Variants in CRB2 observed in about 807,000 individuals in gnomAD.
The protein encoded by CRB2 is protein crumbs homolog 2.
In CRB2, 85 loss-of-function variants were observed where a neutral mutation model predicts 110.9. The observed-to-expected ratio is 0.77, with a 90% CI of 0.64 to 0.92. The LOEUF (loss-of-function observed/expected upper bound fraction) is 0.92, where lower values mean the gene tolerates loss of function less well. Among genes scored for constraint, CRB2 ranks in the 40% least tolerant of loss-of-function variants. The pLI, the probability that CRB2 is intolerant of heterozygous loss-of-function variation, is 0.00. For synonymous variants in CRB2, 907 were observed against 831.0 expected (o/e 1.09, Z -1.57); for missense variants, 1,843 against 1,851.3 (o/e 1.00, Z 0.08).
At position 123,377,144 on chromosome 9, in the gene CRB2, CG is replaced by C; in HGVS notation, c.*85del. The C allele has an allele frequency of 8.0e-7, 1 of 1,255,534 alleles. No homozygotes were observed. The highest frequency in any genetic ancestry group is 1.6e-5 in the South Asian group (1 of 63,134). 77.8% of individuals were successfully genotyped at this position (1,255,534 alleles called of 1,614,324 possible). On this transcript the variant is annotated 3_prime_UTR_variant, in exon 13 of 13. Transcript: ENST00000373631. Reference sequence around the variant, plus strand: ...ACCCAAGGAAGCTGCTTCCAGGGCTCGGGACATTGCTACGGAAGTGTCCCCT... The same window carrying C: ...ACCCAAGGAAGCTGCTTCCAGGGCTCGGACATTGCTACGGAAGTGTCCCCT...
chr9:123,358,025 C>T (rs771395713), intron 1 of CRB2, among the ~76,000 whole-genome samples: 5 of 152,232 alleles, frequency 3.3e-5, no homozygotes, highest in Non-Finnish European at 7.3e-5. Context: ...AGCCTTTCCT[C>T]TGCCATTTCT....
intron 12 of CRB2, 43 bp downstream of exon 12, chr9:123,375,386 G>A (rs1255563751): frequency 2.0e-6 from 3 of 1,537,794 alleles, no homozygotes; most frequent in East Asian, 4.6e-5. Context: ...GTGGCCTGCT[G>A]GGCCCTTGGC....
chr9:123,374,018 C>T (rs749994240), intron 10 of CRB2, 98 bp downstream of exon 10: 2 of 1,432,516 alleles, frequency 1.4e-6, no homozygotes, highest in South Asian at 2.4e-5. Flanking sequence ...GCTTCCCTTC[C>T]CTGGTCCTCA....
chr9:123,365,558 C>CT (rs1375496731), intron 2 of CRB2, among the ~76,000 whole-genome samples: 3 of 152,200 alleles, frequency 2.0e-5, no homozygotes, highest in Non-Finnish European at 4.4e-5. Flanking sequence ...GCCTCTTCTT[C>CT]TAGGAAGCCT....
At chr9:123,376,093 G>A (rs1401497686) in intron 12 of CRB2, among the ~76,000 whole-genome samples, 1 of 152,126 alleles carries the variant, frequency 6.6e-6, no homozygotes, top group African/African-American at 2.4e-5. Context: ...CCCAGGGCAG[G>A]GGGAGGAAAT....
At position 123,373,747 on chromosome 9, in the gene CRB2, TGACCTCTTC is replaced by T. The variant is rs765507615; in HGVS notation, c.3220_3228del (p.Leu1074_Asp1076del). On this transcript the variant is annotated inframe_deletion, in exon 10 of 13. Coordinates refer to ENST00000373631, the MANE Select transcript of CRB2 (RefSeq NM_173689.7). ...CCTGTCTGCACGACGGTGCCTGCCG[TGACCTCTTC>T]GACGCCTTTGCCTGCGCCTGCGGCC... 3.0e-5 allele frequency: 47 copies of T among 1,588,488 alleles called. 1 individual carries two copies. In the South Asian group the frequency reaches 5.0e-4, roughly 17 times the overall value.
At position 123,370,768 on chromosome 9, in the gene CRB2, G is replaced by T; in HGVS notation, c.1715G>T (p.Gly572Val). ...LPAGISSAQL[G>V]DATFAGCLQD... ...GCCGGGATCTCCTCTGCCCAGCTGG[G>T]GGACGCGACCTTTGCAGGCTGCCTC... Residue 572 changes from glycine (G) to valine (V), a missense_variant, in exon 7 of 13, where the codon GGG (glycine) becomes GTG (valine). By Grantham distance (109) the Gly-to-Val change is moderately radical. Transcript: ENST00000373631. The T allele has an allele frequency of 6.2e-7, 1 of 1,602,758 alleles. No homozygotes were observed. Among genetic ancestry groups the T allele is most frequent in the South Asian group, 1.1e-5 (1 of 91,050 alleles).
intron 1 of CRB2, among the ~76,000 whole-genome samples, chr9:123,359,727 G>A (rs2041845370): frequency 6.6e-6 from 1 of 152,148 alleles, no homozygotes; most frequent in Admixed American, 6.5e-5. Context: ...TGGGATTACA[G>A]GTGTGAGCCA....
At position 123,367,485 on chromosome 9, in the gene CRB2, C is replaced by T. The variant is rs187711121; in HGVS notation, c.941-88C>T. On this transcript the variant is annotated intron_variant, in intron 5 of 12. Transcript: ENST00000373631. ...ACCCGAGTCTGCCCTCTCTCTTGGA[C>T]TCAGTCTCTCTAGCTATAGAATGGA... is the stretch of plus-strand genomic sequence containing the variant. 1,172 of 1,242,076 alleles carry T rather than the reference C, an allele frequency of 9.4e-4. 20 individuals carry two copies. In the East Asian group the frequency reaches 0.02, roughly 21 times the overall value. The allele number at this position is 1,242,076 out of a possible 1,614,324, so 76.9% of individuals were successfully genotyped here. A position where few individuals can be genotyped will look rare whatever the true frequency, so the allele number is the denominator to read the frequency against.
chr9:123,357,228 C>T (rs1004705792), intron 1 of CRB2, among the ~76,000 whole-genome samples: 2 of 152,090 alleles, frequency 1.3e-5, no homozygotes, highest in African/African-American at 4.8e-5. Flanking sequence ...TCCAAGCTCT[C>T]GGAGCCTGGA....
Position 123,374,769 on chromosome 9 carries a change from C to T in CRB2, c.3506+74C>T, listed in dbSNP as rs577450513. 1.7e-4 allele frequency: 180 copies of T among 1,049,192 alleles called. No homozygotes were observed. The African/African-American group carries it at 2.4e-3, about 14-fold the overall frequency. 65.0% of individuals were successfully genotyped at this position (1,049,192 alleles called of 1,614,324 possible). On this transcript the variant is annotated intron_variant, in intron 11 of 12. Coordinates refer to ENST00000373631, the MANE Select transcript of CRB2 (RefSeq NM_173689.7). ...GGCTGTTCCTCCAGCCAGGGTGGGG[C>T]GGGGGTCCTCGCCCACCTTCTCACC... is the stretch of plus-strand genomic sequence containing the variant.
In CRB2 at chr9:123,375,265, G is replaced by A. The variant is rs145132132; in HGVS notation, c.3555G>A (p.Gly1185=). 5.0e-6 allele frequency: 8 copies of A among 1,612,404 alleles called. No individual in the cohort carries two copies. The highest frequency in any genetic ancestry group is 2.2e-5 in the East Asian group (1 of 44,774). ...GTGAAGCCAACCCCTGCTTGAATGG[G>A]GGCACCTGCCGGGCAGCTGGAGGGG... ...LPCEANPCLN[G]GTCRAAGGVS... is the part of the protein sequence containing the mutation. Residue 1185 remains glycine (G), a synonymous_variant, in exon 12 of 13, where the codon GGG becomes GGA. Transcript: ENST00000373631.
rs1404015646 is a variant in CRB2 at position 123,373,576 on chromosome 9, C to T, written c.3045C>T (p.Gly1015=). 4 of 1,457,050 alleles carry T rather than the reference C, an allele frequency of 2.7e-6. No homozygotes were observed. In the East Asian group the frequency reaches 1.2e-4, roughly 43 times the overall value. The allele number at this position is 1,457,050 out of a possible 1,614,324, so 90.3% of individuals were successfully genotyped here. ...CTGAGAACTTCACCGGCTGCTTGGG[C>T]CGCGTGGCGCTGGGCGGCCTGCCCC... The part of the protein sequence containing the change: ...LLAENFTGCL[G]RVALGGLPLP... Residue 1015 remains glycine, a synonymous_variant, in exon 10 of 13, where the codon GGC becomes GGT. Transcript: ENST00000373631.
At position 123,362,885 on chromosome 9, in the gene CRB2, C is replaced by A. The variant is rs756949939; in HGVS notation, c.115C>A (p.Pro39Thr). Reference sequence around the variant, plus strand: ...TACAGGGACGGTGCCTTCAGAGCCCCCCAGTGCCTGTGCCTCAGACCCGTG... The same window carrying A: ...TACAGGGACGGTGCCTTCAGAGCCCACCAGTGCCTGTGCCTCAGACCCGTG... The part of the protein sequence containing the change: ...LLAGTVPSEP[P>T]SACASDPCAP... The change falls in exon 2 of 13, where the codon CCC (proline) becomes ACC (threonine). Residue 39 changes from proline (P) to threonine (T), a missense_variant. By Grantham distance (38) the Pro-to-Thr change is conservative. Coordinates refer to ENST00000373631, the MANE Select transcript of CRB2 (RefSeq NM_173689.7). The A allele has an allele frequency of 6.3e-7, 1 of 1,587,848 alleles. No homozygotes were observed. Among genetic ancestry groups the A allele is most frequent in the East Asian group, 2.3e-5 (1 of 44,164 alleles).
intron 2 of CRB2, among the ~76,000 whole-genome samples, chr9:123,364,698 G>T (rs950651632): frequency 4.6e-5 from 7 of 152,180 alleles, no homozygotes; most frequent in Non-Finnish European, 8.8e-5. Context: ...AGGGGGCAGG[G>T]CCTGCTGGAG....
chr9:123,370,016 A>AG (rs1413639148), intron 6 of CRB2, 92 bp from the exon 7 acceptor site: 7 of 1,404,866 alleles, frequency 5.0e-6, no homozygotes, highest in Non-Finnish European at 6.7e-6. Flanking sequence ...ATAGGTACTG[A>AG]GGTCCCCATC....
intron 5 of CRB2, 67 bp downstream of exon 5, chr9:123,367,424 CCCCCACCCCCCCCACCCCCCCACCCCACA>C: frequency 1.1e-6 from 1 of 923,934 alleles, no homozygotes; most frequent in Non-Finnish European, 1.5e-6. Context: ...TGTGCCCACC[CCCCCACCCCCCCCACCCCCCCACCCCACA>C]CCCCACACCC....
chr9:123,375,483 G>A (rs1230709634), intron 12 of CRB2, 140 bp downstream of exon 12: 1 of 1,034,480 alleles, frequency 9.7e-7, no homozygotes, highest in Admixed American at 3.5e-5. Context: ...GGAGCCTCAG[G>A]TCCCTTCCAC....
intron 12 of CRB2, among the ~76,000 whole-genome samples, 193 bp from the exon 13 acceptor site, chr9:123,376,645 G>A (rs1332612631): frequency 6.6e-6 from 1 of 152,214 alleles, no homozygotes; most frequent in East Asian, 1.9e-4. Flanking sequence ...TCCCCGAGCA[G>A]TGGCTGTGAC....
Sources: gnomAD v4.1 joint callset for allele counts (sites outside exome capture counted in the v4.1 genomes callset) on GRCh38, gnomAD v4.1.1 for gene constraint, MANE v1.5 for transcripts, NCBI Gene and HGNC (gene_info 2026-07-23, HGNC 2026-07-21) for gene names.